Variants in NTRK3 observed in about 807,000 individuals in gnomAD.
The protein encoded by NTRK3 is neurotrophic receptor tyrosine kinase 3.
NTRK3 carries 24 observed loss-of-function variants against 91.7 expected under a neutral mutation model. The ratio of observed to expected loss-of-function variants is 0.26; its 90% confidence interval spans 0.19 to 0.37. The LOEUF is 0.37. Ranked by LOEUF, NTRK3 falls within the 10% of genes least tolerant of loss-of-function variation. The pLI is 1.00. For synonymous variants in NTRK3, 483 were observed against 404.0 expected (o/e 1.20, Z -2.34); for missense variants, 880 against 1,068.9 (o/e 0.82, Z 2.46).
intron 14 of NTRK3, among the ~76,000 whole-genome samples, chr15:87,974,160 C>T (rs2073506990): frequency 6.6e-6 from 1 of 152,140 alleles, no homozygotes; most frequent in African/African-American, 2.4e-5. Context: ...TGTCACAGCC[C>T]AGTGCTGTGC....
At chr15:87,914,266 C>G (rs2067291969) in intron 17 of NTRK3, among the ~76,000 whole-genome samples, 1 of 152,168 alleles carries the variant, frequency 6.6e-6, no homozygotes, top group African/African-American at 2.4e-5. Flanking sequence ...GGTGCTAACT[C>G]CATTCTTATG....
At chr15:87,866,082 G>C (rs16940930) in exon 19 of NTRK3, 7,914 of 229,194 alleles carry the variant, frequency 0.035, 627 homozygotes, top group African/African-American at 0.16. Context: ...ATCTCATTTA[G>C]GGCTCAAATA....
chr15:88,095,465 A>G (rs79089791), intron 13 of NTRK3, among the ~76,000 whole-genome samples: 8 of 152,204 alleles, frequency 5.3e-5, no homozygotes, highest in Non-Finnish European at 1.2e-4. Context: ...AATGTTGTCA[A>G]TGGCATTTTT....
intron 14 of NTRK3, among the ~76,000 whole-genome samples, chr15:88,014,758 G>A (rs1217174720): frequency 3.9e-5 from 6 of 152,174 alleles, no homozygotes; most frequent in Non-Finnish European, 7.3e-5. Context: ...CGGCAACACC[G>A]GAGCAGGTTC....
intron 8 of NTRK3, 63 bp downstream of exon 8, chr15:88,136,404 C>T (rs193290359): frequency 1.3e-5 from 21 of 1,610,156 alleles, no homozygotes; most frequent in Non-Finnish European, 1.5e-5. Context: ...TTTCCCTCTT[C>T]TTCAAGACTA....
At chr15:88,176,577 C>A (rs771622352) in intron 5 of NTRK3, among the ~76,000 whole-genome samples, 2 of 152,212 alleles carry the variant, frequency 1.3e-5, no homozygotes, top group African/African-American at 2.4e-5. Flanking sequence ...CCAAGGCCCA[C>A]ATTCTAGTCC....
At chr15:87,878,162 T>C (rs1026988503) in intron 18 of NTRK3, among the ~76,000 whole-genome samples, 1 of 152,198 alleles carries the variant, frequency 6.6e-6, no homozygotes, top group Non-Finnish European at 1.5e-5. Context: ...CGAACTTCAG[T>C]TTCTGCATTT....
intron 13 of NTRK3, among the ~76,000 whole-genome samples, chr15:88,053,601 C>T (rs2045424233): frequency 1.3e-5 from 2 of 152,204 alleles, no homozygotes; most frequent in Non-Finnish European, 2.9e-5. Flanking sequence ...TCTTTGGGAC[C>T]TCAGCTGGGC....
chr15:87,879,645 G>A (rs2065135489), intron 18 of NTRK3, among the ~76,000 whole-genome samples: 1 of 152,080 alleles, frequency 6.6e-6, no homozygotes, highest in African/African-American at 2.4e-5. Context: ...CTAAATGTCA[G>A]CTACTATTAA....
chr15:88,135,132 G>C, exon 10 of NTRK3: 1 of 1,614,266 alleles, frequency 6.2e-7, no homozygotes, highest in Non-Finnish European at 8.5e-7. Context: ...AGTGGCCATT[G>C]ATGGTCTGGT....
At chr15:88,161,017 A>G (rs1029056943) in intron 5 of NTRK3, among the ~76,000 whole-genome samples, 4 of 152,220 alleles carry the variant, frequency 2.6e-5, no homozygotes, top group Admixed American at 2.6e-4. Context: ...ATCAAGATAA[A>G]TTAATGCATG....
intron 14 of NTRK3, among the ~76,000 whole-genome samples, chr15:87,965,017 A>C (rs1038555787): frequency 6.6e-6 from 1 of 152,258 alleles, no homozygotes; most frequent in Non-Finnish European, 1.5e-5. Flanking sequence ...CTTCCACAAA[A>C]ATTTTTAACA....
intron 6 of NTRK3, among the ~76,000 whole-genome samples, chr15:88,142,426 G>C (rs778643840): frequency 2.0e-5 from 3 of 152,256 alleles, no homozygotes; most frequent in Non-Finnish European, 4.4e-5. Context: ...AGCCCCATCT[G>C]AGTTTGTAAG....
chr15:88,012,482 C>A (rs976083346), intron 14 of NTRK3, among the ~76,000 whole-genome samples: 1 of 152,132 alleles, frequency 6.6e-6, no homozygotes, highest in South Asian at 2.1e-4. Flanking sequence ...AGAAATAGCA[C>A]GGAAATCACA....
intron 15 of NTRK3, among the ~76,000 whole-genome samples, chr15:87,939,143 C>T (rs2069565917): frequency 6.6e-6 from 1 of 152,092 alleles, no homozygotes; most frequent in Non-Finnish European, 1.5e-5. Context: ...TTGGTGACTC[C>T]TATTCTAGAT....
chr15:87,932,915 G>A (rs892521489), intron 16 of NTRK3, 97 bp downstream of exon 16: 5 of 1,196,940 alleles, frequency 4.2e-6, no homozygotes, highest in Middle Eastern at 2.6e-4. Flanking sequence ...TGAGAGGAAA[G>A]TGTTTAGAGG....
At chr15:88,197,094 CAAAA>C (rs59553739) in intron 3 of NTRK3, among the ~76,000 whole-genome samples, 225 of 56,478 alleles carry the variant, frequency 4.0e-3, no homozygotes, top group African/African-American at 9.2e-3. Context: ...TTGAGCAGGA[CAAAA>C]AAAAAAAAAA....
chr15:87,980,801 G>A (rs1357143055), intron 14 of NTRK3, among the ~76,000 whole-genome samples: 4 of 152,166 alleles, frequency 2.6e-5, no homozygotes, highest in African/African-American at 7.2e-5. Flanking sequence ...TGAAGATAGA[G>A]GAAACCTTCC....
At chr15:87,992,635 A>AT in intron 14 of NTRK3, among the ~76,000 whole-genome samples, 1 of 152,326 alleles carries the variant, frequency 6.6e-6, no homozygotes, top group African/African-American at 2.4e-5. Flanking sequence ...CTGTGCATGG[A>AT]TTTTCTAATC....
Sources: gnomAD v4.1 joint callset for allele counts (sites outside exome capture counted in the v4.1 genomes callset) on GRCh38, gnomAD v4.1.1 for gene constraint, MANE v1.5 for transcripts, NCBI Gene and HGNC (gene_info 2026-07-23, HGNC 2026-07-21) for gene names.